The following GNA14 variants were observed in gnomAD, a reference collection of about 807,000 sequenced individuals.
GNA14 encodes guanine nucleotide-binding protein subunit alpha-14.
Under a neutral mutation model 42.0 loss-of-function variants are expected in GNA14, and 50 were observed. The observed-to-expected ratio is 1.19, with a 90% confidence interval of 0.95 to 1.51. GNA14 has a LOEUF of 1.51. Among genes scored for constraint, GNA14 ranks in the 40% most tolerant of loss-of-function variants. GNA14 has a pLI of 0.00. For missense variants in GNA14, 473 were observed against 446.2 expected (o/e 1.06, Z -0.54); for synonymous variants, 173 against 163.1 (o/e 1.06, Z -0.46).
At chr9:77,444,345 CTTCAGCTTCTCCACATCATGG>C (rs1835780421) in intron 2 of GNA14, among the ~76,000 whole-genome samples, 1 of 152,200 alleles carries the variant, frequency 6.6e-6, no homozygotes, top group Admixed American at 6.5e-5. Context: ...GGATCTTCTC[CTTCAGCTTCTCCACATCATGG>C]GTCAGCTTCT....
intron 2 of GNA14, among the ~76,000 whole-genome samples, chr9:77,440,712 C>T (rs1564014772): frequency 1.3e-5 from 2 of 151,816 alleles, no homozygotes; most frequent in African/African-American, 4.8e-5. Flanking sequence ...TAGCAATTTC[C>T]TTTGTTTCTT....
intron 1 of GNA14, among the ~76,000 whole-genome samples, chr9:77,588,819 C>A (rs556607936): frequency 2.1e-4 from 32 of 152,214 alleles, no homozygotes; most frequent in Admixed American, 1.9e-3. Flanking sequence ...TTTCTCTGTT[C>A]CACAAATATA....
intron 2 of GNA14, among the ~76,000 whole-genome samples, chr9:77,484,212 AG>A (rs1222195641): frequency 6.6e-6 from 1 of 152,206 alleles, no homozygotes; most frequent in Non-Finnish European, 1.5e-5. Flanking sequence ...TCAGAGTAGG[AG>A]GATGAAGAGC....
chr9:77,646,496 G>C (rs1007667746), intron 1 of GNA14, among the ~76,000 whole-genome samples: 1 of 152,128 alleles, frequency 6.6e-6, no homozygotes, highest in Non-Finnish European at 1.5e-5. Context: ...ATAAGGATAA[G>C]GGGGTTCTTC....
At chr9:77,563,066 G>A (rs1822908636) in intron 1 of GNA14, among the ~76,000 whole-genome samples, 1 of 152,142 alleles carries the variant, frequency 6.6e-6, no homozygotes, top group African/African-American at 2.4e-5. Context: ...TGGCATTTGT[G>A]TTGTTCACAC....
chr9:77,484,638 TA>T (rs1836625105), intron 2 of GNA14, among the ~76,000 whole-genome samples: 1 of 152,200 alleles, frequency 6.6e-6, no homozygotes. Flanking sequence ...TTGTCCCCTT[TA>T]TCCATGGAGG....
intron 1 of GNA14, among the ~76,000 whole-genome samples, chr9:77,607,906 T>G (rs1823664832): frequency 6.6e-6 from 1 of 152,176 alleles, no homozygotes; most frequent in South Asian, 2.1e-4. Context: ...TAACCCTAAT[T>G]ACTTCCTAAA....
intron 1 of GNA14, among the ~76,000 whole-genome samples, chr9:77,609,146 C>A (rs117276188): frequency 6.6e-6 from 1 of 152,262 alleles, no homozygotes; most frequent in East Asian, 1.9e-4. Flanking sequence ...CCAAGGTACT[C>A]CTTCAATACT....
intron 2 of GNA14, chr9:77,517,585 CTTTTCTTTTT>C (rs1564039535): frequency 8.2e-5 from 4 of 48,842 alleles, no homozygotes; most frequent in African/African-American, 2.4e-4. Flanking sequence ...TATCCTGGTA[CTTTTCTTTTT>C]TTTTTTTTTT....
intron 4 of GNA14, among the ~76,000 whole-genome samples, chr9:77,430,062 A>G (rs953323333): frequency 6.6e-6 from 1 of 152,200 alleles, no homozygotes; most frequent in Non-Finnish European, 1.5e-5. Flanking sequence ...TTCTTGAACC[A>G]TGTCCTGGAG....
At chr9:77,584,284 C>T (rs1208612720) in intron 1 of GNA14, among the ~76,000 whole-genome samples, 3 of 152,108 alleles carry the variant, frequency 2.0e-5, no homozygotes, top group Non-Finnish European at 4.4e-5. Context: ...TTAATGATGA[C>T]CTTGATAGTA....
At chr9:77,450,192 G>C (rs549337974) in intron 2 of GNA14, among the ~76,000 whole-genome samples, 1 of 152,250 alleles carries the variant, frequency 6.6e-6, no homozygotes, top group Admixed American at 6.5e-5. Flanking sequence ...TCATGGTCAT[G>C]GTCTTGACTC....
rs72399683 is a variant in GNA14 at position 77,446,966 on chromosome 9, ATT to A, written c.310-12446_310-12445del. Among the ~76,000 whole-genome samples the A allele has an allele frequency of 8.2e-4, 120 of 146,214 alleles. No homozygotes were observed. In the East Asian group the frequency reaches 0.02, roughly 24 times the overall value. On this transcript the variant is annotated intron_variant, in intron 2 of 6. Coordinates refer to ENST00000341700, the MANE Select transcript of GNA14 (RefSeq NM_004297.4). ...CAAGTTTTGGTGCAGTTCATGTACAATTTTTTTTTTTTTTTGAGACGGAGTTT... is the reference window on the plus strand; with the variant it reads ...CAAGTTTTGGTGCAGTTCATGTACAATTTTTTTTTTTTTGAGACGGAGTTT...
intron 1 of GNA14, among the ~76,000 whole-genome samples, chr9:77,628,530 C>A (rs1293073212): frequency 1.3e-5 from 2 of 152,056 alleles, no homozygotes; most frequent in African/African-American, 4.8e-5. Context: ...GTACTGGTAC[C>A]AAAACAGATA....
chr9:77,515,781 T>C (rs1163029857), intron 2 of GNA14, among the ~76,000 whole-genome samples: 6 of 151,374 alleles, frequency 4.0e-5, no homozygotes, highest in African/African-American at 1.5e-4. Context: ...CTGGGCAACA[T>C]AGGGAGACCC....
chr9:77,512,058 C>T (rs888916094), intron 2 of GNA14, among the ~76,000 whole-genome samples: 1 of 151,938 alleles, frequency 6.6e-6, no homozygotes, highest in African/African-American at 2.4e-5. Context: ...GGTGACAGAG[C>T]CCCCACTGCC....
intron 2 of GNA14, among the ~76,000 whole-genome samples, chr9:77,444,272 A>G (rs1185907284): frequency 6.6e-6 from 1 of 152,184 alleles, no homozygotes; most frequent in Admixed American, 6.5e-5. Context: ...TTCTGCTTAA[A>G]AACAGCCCAG....
chr9:77,524,281 C>T (rs553963338), intron 2 of GNA14, among the ~76,000 whole-genome samples: 4 of 152,186 alleles, frequency 2.6e-5, no homozygotes, highest in Non-Finnish European at 4.4e-5. Context: ...ACTAAATTTC[C>T]GATAAATTTC....
At chr9:77,634,174 C>A (rs1487475820) in intron 1 of GNA14, among the ~76,000 whole-genome samples, 2 of 151,968 alleles carry the variant, frequency 1.3e-5, no homozygotes, top group African/African-American at 4.8e-5. Context: ...ATCTTCTGTG[C>A]TATGGGAGGC....
Sources: gnomAD v4.1 joint callset for allele counts (sites outside exome capture counted in the v4.1 genomes callset) on GRCh38, gnomAD v4.1.1 for gene constraint, MANE v1.5 for transcripts, NCBI Gene and HGNC (gene_info 2026-07-23, HGNC 2026-07-21) for gene names.